The following TCIRG1 variants were observed in gnomAD, a reference collection of about 807,000 sequenced individuals.
TCIRG1 encodes T cell immune regulator 1, ATPase H+ transporting V0 subunit a3.
A neutral mutation model predicts 95.5 loss-of-function variants in TCIRG1; 86 were observed. That is an observed-to-expected ratio of 0.90 (90% CI 0.76 to 1.08). The LOEUF is 1.08. TCIRG1 is among the 50% of genes least tolerant of loss of function. The pLI is 0.00. For missense variants in TCIRG1, 1,069 were observed against 1,140.2 expected (o/e 0.94, Z 0.90); for synonymous variants, 499 against 501.3 (o/e 1.00, Z 0.06).
chr11:68,041,474 G>A (rs1468042705), intron 2 of TCIRG1, 86 bp downstream of exon 2: 6 of 998,348 alleles, frequency 6.0e-6, no homozygotes, highest in Non-Finnish European at 9.2e-6. Context: ...CCCCCCCTCC[G>A]CCATAGGGCC....
chr11:68,042,103 C>A (rs965998877), intron 3 of TCIRG1, among the ~76,000 whole-genome samples: 3 of 151,830 alleles, frequency 2.0e-5, no homozygotes, highest in Non-Finnish European at 4.4e-5. Context: ...GTCCTGTGGG[C>A]GCCAGGAAGC....
chr11:68,041,212 G>T (rs1855141511), intron 1 of TCIRG1, 56 bp from the exon 2 acceptor site: 1 of 1,185,900 alleles, frequency 8.4e-7, no homozygotes, highest in Non-Finnish European at 1.3e-6. Flanking sequence ...GGTGCCCGTG[G>T]TTGGGAACTG....
In TCIRG1 at chr11:68,047,921, T is replaced by C. The variant is rs1038126786; in HGVS notation, c.1503T>C (p.Asp501=). 2.5e-6 allele frequency: 4 copies of C among 1,613,682 alleles called. No individual in the cohort carries two copies. In the African/African-American group the frequency reaches 5.3e-5, roughly 22 times the overall value. The part of the protein sequence containing the change: ...FLAQHTMLTL[D]PNVTGVFLGP... ...CCCAGCACACGATGCTTACCCTGGA[T>C]CCCAACGTCACCGGTGTCTTCCTGG... The change falls in exon 13 of 20, where the codon GAT becomes GAC. Residue 501 remains aspartate (D), a synonymous_variant. Coordinates refer to ENST00000265686, the MANE Select transcript of TCIRG1 (RefSeq NM_006019.4).
At chr11:68,043,698 C>G in intron 7 of TCIRG1, 45 bp downstream of exon 7, 1 of 1,561,562 alleles carries the variant, frequency 6.4e-7, no homozygotes, top group Non-Finnish European at 8.7e-7. Flanking sequence ...CTCCCCAGGC[C>G]CCTGCTGTCA....
chr11:68,050,168 C>A lies in TCIRG1; in HGVS notation c.2150C>A (p.Ala717Asp), dbSNP rs141095902. 114 of 1,613,584 alleles carry A rather than the reference C, an allele frequency of 7.1e-5. No individual in the cohort carries two copies. The highest frequency in any genetic ancestry group is 9.0e-5 in the Non-Finnish European group (106 of 1,179,916). Residue 717 changes from alanine (A) to aspartate (D), a missense_variant, in exon 18 of 20, where the codon GCC (alanine) becomes GAC (aspartate). Physicochemically the swap from Ala to Asp is moderately radical, Grantham distance 126. Transcript: ENST00000265686. ...LVPSEVLMHQAIHTIEFCLGC... is the reference protein window; with the variant it reads ...LVPSEVLMHQDIHTIEFCLGC... ...CCCTCCGAGGTGCTCATGCACCAGG[C>A]CATCCACACCATCGAGTTCTGCCTG... is the stretch of plus-strand genomic sequence containing the variant.
rs1329877127 is a variant in TCIRG1, at chr11:68,044,328, C to T, written c.1004C>T (p.Ala335Val). 5 of 1,590,656 alleles carry T rather than the reference C, an allele frequency of 3.1e-6. No individual in the cohort carries two copies. Among genetic ancestry groups the T allele is most frequent in the African/African-American group, 1.3e-5 (1 of 74,668 alleles). The change falls in exon 9 of 20, where the codon GCC becomes GTC. Residue 335 changes from alanine (A) to valine (V), a missense_variant. By Grantham distance (64) the Ala-to-Val change is moderately conservative. Coordinates refer to ENST00000265686, the MANE Select transcript of TCIRG1 (RefSeq NM_006019.4). ...SVRDLPALQE[A>V]LRDSSMEEGV... ...CGAGACCTGCCCGCCCTGCAGGAGG[C>T]CCTGCGGGACAGCTCGGTGAGCAGC...
In TCIRG1 at chr11:68,047,727, C is replaced by T. The variant is rs143232474; in HGVS notation, c.1386C>T (p.Asn462=). The part of the protein sequence containing the change: ...LFSIYTGFIY[N]ECFSRATSIF... The stretch of plus-strand genomic sequence containing the variant: ...CCATCTACACCGGCTTCATCTACAA[C>T]GAGTGCTTCAGTCGCGCCACCAGCA... The change falls in exon 12 of 20, where the codon AAC becomes AAT. Residue 462 remains asparagine, a synonymous_variant. Transcript: ENST00000265686. 1.1e-5 allele frequency: 18 copies of T among 1,613,290 alleles called. No homozygotes were observed. Among genetic ancestry groups the T allele is most frequent in the South Asian group, 8.8e-5 (8 of 91,092 alleles).
chr11:68,041,143 C>A, intron 1 of TCIRG1, 125 bp from the exon 2 acceptor site: 1 of 758,822 alleles, frequency 1.3e-6, no homozygotes, highest in Non-Finnish European at 2.4e-6. Flanking sequence ...TCAGTTTCCA[C>A]CTCTGTCAGA....
intron 5 of TCIRG1, 87 bp downstream of exon 5, chr11:68,043,118 C>T: frequency 1.3e-6 from 2 of 1,545,936 alleles, no homozygotes; most frequent in Non-Finnish European, 8.7e-7. Flanking sequence ...GCTCCGACTC[C>T]TTGTCCAGTG....
Position 68,047,573 on chromosome 11 carries a change from G to A in TCIRG1, c.1305+1G>A, listed in dbSNP as rs2134454644. The A allele has an allele frequency of 2.5e-6, 4 of 1,613,704 alleles. No individual in the cohort carries two copies. The highest frequency in any genetic ancestry group is 3.4e-6 in the Non-Finnish European group (4 of 1,180,020). On this transcript the variant is annotated splice_donor_variant, in intron 11 of 19. Coordinates refer to ENST00000265686, the MANE Select transcript of TCIRG1 (RefSeq NM_006019.4). LOFTEE classifies it high-confidence loss of function. The stretch of plus-strand genomic sequence containing the variant: ...GGCTGTGAAGGCCGCGCAGAACGAG[G>A]TGAGGGGCGGGGCTGGGGTCCTGAT...
chr11:68,047,822 G>A lies in TCIRG1; in HGVS notation c.1463+18G>A, dbSNP rs773156087. ...GGCTGGAGGTGAGGCCCGGGCCCCA[G>A]CCCGGCTGGGGGCCCCGCAGCACCC... On this transcript the variant is annotated intron_variant, in intron 12 of 19. Transcript: ENST00000265686. The A allele has an allele frequency of 6.2e-7, 1 of 1,612,252 alleles. No individual in the cohort carries two copies. The highest frequency in any genetic ancestry group is 8.5e-7 in the Non-Finnish European group (1 of 1,179,392).
At position 68,048,033 on chromosome 11, in the gene TCIRG1, T is replaced by G. The variant is rs1334912925; in HGVS notation, c.1554+61T>G. On this transcript the variant is annotated intron_variant, in intron 13 of 19. Transcript: ENST00000265686. ...GGCAGCTGGGAGTGGGGGCTGGGGC[T>G]CCCCTCGGTTCAGCCGTCCTGCAGC... The G allele has an allele frequency of 1.0e-5, 15 of 1,436,666 alleles. 1 individual carries two copies. In the East Asian group the frequency reaches 3.4e-4, roughly 33 times the overall value. The allele number at this position is 1,436,666 out of a possible 1,614,324, so 89.0% of individuals were successfully genotyped here.
chr11:68,049,711 A>G lies in TCIRG1; in HGVS notation c.1936A>G (p.Ile646Val), dbSNP rs1855695952. 1 of 1,595,700 alleles carries G rather than the reference A, an allele frequency of 6.3e-7. No individual in the cohort carries two copies. Among genetic ancestry groups the G allele is most frequent in the Non-Finnish European group, 8.5e-7 (1 of 1,176,138 alleles). Residue 646 changes from isoleucine to valine, a missense_variant, in exon 16 of 20, where the codon ATC becomes GTC. By Grantham distance (29) the Ile-to-Val change is conservative. Coordinates refer to ENST00000265686, the MANE Select transcript of TCIRG1 (RefSeq NM_006019.4). Reference protein sequence around the residue: ...LVVLALAMVPILLLGTPLHLL... With the variant: ...LVVLALAMVPVLLLGTPLHLL... Reference sequence around the variant, plus strand: ...GGTCCTGGCCTTGGCCATGGTGCCCATCCTGCTGCTTGGCACACCCCTGCA... The same window carrying G: ...GGTCCTGGCCTTGGCCATGGTGCCCGTCCTGCTGCTTGGCACACCCCTGCA...
downstream of TCIRG1, chr11:68,051,023 T>C (rs1855779180): frequency 9.4e-6 from 6 of 640,272 alleles, no homozygotes; most frequent in Admixed American, 2.5e-5. Flanking sequence ...TGTCAGACTC[T>C]TGGGGTGAAA....
In TCIRG1 at chr11:68,044,112, G is replaced by T; in HGVS notation, c.808-20G>T. 1 of 1,544,582 alleles carries T rather than the reference G, an allele frequency of 6.5e-7. No individual in the cohort carries two copies. The highest frequency in any genetic ancestry group is 1.2e-5 in the South Asian group (1 of 83,924). Reference sequence around the variant, plus strand: ...CCCACCTGCCTGCCCAGCCCCCGCTGACTGCCCACTCTGGCGCAGGTCCTC... The same window carrying T: ...CCCACCTGCCTGCCCAGCCCCCGCTTACTGCCCACTCTGGCGCAGGTCCTC... On this transcript the variant is annotated intron_variant, in intron 8 of 19. Coordinates refer to ENST00000265686, the MANE Select transcript of TCIRG1 (RefSeq NM_006019.4).
chr11:68,044,395 C>CG, intron 9 of TCIRG1, 51 bp downstream of exon 9: 1 of 1,445,694 alleles, frequency 6.9e-7, no homozygotes. Flanking sequence ...CCTACCAGGC[C>CG]GGGGCGTTTC....
Position 68,045,101 on chromosome 11 carries a change from C to G in TCIRG1, c.1164C>G (p.Pro388=). The G allele has an allele frequency of 6.2e-7, 1 of 1,600,740 alleles. No individual in the cohort carries two copies. Among genetic ancestry groups the G allele is most frequent in the Non-Finnish European group, 8.5e-7 (1 of 1,179,942 alleles). ...YGVGRYQEVN[P]APYTIITFPF... ...TGGGCCGCTACCAGGAGGTCAACCC[C>G]GGTGAGAGCCACGGCATCCTTACCC... Residue 388 remains proline, a splice_region_variant and synonymous_variant, in exon 10 of 20, where the codon CCC becomes CCG. Transcript: ENST00000265686.
Position 68,047,527 on chromosome 11 carries a change from G to A in TCIRG1, c.1260G>A (p.Met420Ile). ...TCATGTTCCTGTTCGCCCTGGCCATGGTCCTTGCGGAGAACCGACCGGCTG... is the reference window on the plus strand; with the variant it reads ...TCATGTTCCTGTTCGCCCTGGCCATAGTCCTTGCGGAGAACCGACCGGCTG... ...GLLMFLFALAMVLAENRPAVK... is the reference protein window; with the variant it reads ...GLLMFLFALAIVLAENRPAVK... Residue 420 changes from methionine (M) to isoleucine (I), a missense_variant, in exon 11 of 20, where the codon ATG becomes ATA. Coordinates refer to ENST00000265686, the MANE Select transcript of TCIRG1 (RefSeq NM_006019.4). The A allele has an allele frequency of 6.2e-7, 1 of 1,614,034 alleles. No homozygotes were observed.
downstream of TCIRG1, among the ~76,000 whole-genome samples, chr11:68,051,366 G>A (rs950140146): frequency 7.9e-5 from 12 of 152,210 alleles, no homozygotes; most frequent in African/African-American, 2.2e-4. Context: ...CCAGGACCCC[G>A]GGGTTCAGAA....
Sources: gnomAD v4.1 joint callset for allele counts (sites outside exome capture counted in the v4.1 genomes callset) on GRCh38, gnomAD v4.1.1 for gene constraint, MANE v1.5 for transcripts, NCBI Gene and HGNC (gene_info 2026-07-23, HGNC 2026-07-21) for gene names.